The following ADAMTS2 variants were observed in gnomAD, a reference collection of about 807,000 sequenced individuals.
ADAMTS2 encodes ADAM metallopeptidase with thrombospondin type 1 motif 2, also known as A disintegrin and metalloproteinase with thrombospondin motifs 2.
Under a neutral mutation model 123.0 loss-of-function variants are expected in ADAMTS2, and 50 were observed. That is an observed-to-expected ratio of 0.41 (90% confidence interval 0.32 to 0.51). The LOEUF is 0.51. ADAMTS2 is among the 20% of genes least tolerant of loss of function. The pLI is 0.35. For synonymous variants in ADAMTS2, 678 were observed against 695.4 expected, an observed-to-expected ratio of 0.98 and a Z score of 0.39; for missense variants, 1,494 against 1,705.2, an observed-to-expected ratio of 0.88 and a Z score of 2.18.
chr5:179,343,662 G>C, intron 2 of ADAMTS2, 105 bp downstream of exon 2: 1 of 1,450,690 alleles, frequency 6.9e-7, no homozygotes, highest in Non-Finnish European at 9.3e-7. Flanking sequence ...GGCGCGGAAA[G>C]TCCTCAGCGC....
chr5:179,183,708 C>T (rs77778836), intron 4 of ADAMTS2, among the ~76,000 whole-genome samples: 1 of 152,160 alleles, frequency 6.6e-6, no homozygotes. Context: ...CAGGGCAAGC[C>T]CAGGGGGGCA....
intron 3 of ADAMTS2, among the ~76,000 whole-genome samples, chr5:179,210,717 GCAATGCC>G: frequency 6.6e-6 from 1 of 152,232 alleles, no homozygotes; most frequent in East Asian, 1.9e-4. Flanking sequence ...AGGGGGATCT[GCAATGCC>G]CTCAGACCTG....
chr5:179,342,208 T>C (rs1757794888), intron 2 of ADAMTS2, among the ~76,000 whole-genome samples: 2 of 152,218 alleles, frequency 1.3e-5, no homozygotes, highest in African/African-American at 4.8e-5. Context: ...CCATCAGGAA[T>C]GCATAGTACA....
intron 2 of ADAMTS2, among the ~76,000 whole-genome samples, chr5:179,318,058 C>T (rs1245422998): frequency 6.6e-6 from 1 of 152,170 alleles, no homozygotes; most frequent in Non-Finnish European, 1.5e-5. Context: ...TCACCCTGGC[C>T]ACGTCTCTAC....
intron 11 of ADAMTS2, 85 bp downstream of exon 11, chr5:179,139,805 C>A: frequency 6.3e-7 from 1 of 1,578,048 alleles, no homozygotes; most frequent in Non-Finnish European, 8.6e-7. Context: ...GCCACAGGGC[C>A]CTCCAGGACA....
At chr5:179,251,599 C>T (rs1765927538) in intron 3 of ADAMTS2, among the ~76,000 whole-genome samples, 1 of 152,104 alleles carries the variant, frequency 6.6e-6, no homozygotes, top group Non-Finnish European at 1.5e-5. Flanking sequence ...AGGGACACTA[C>T]GTGCAGGACA....
At chr5:179,289,584 G>A (rs1323197951) in intron 2 of ADAMTS2, among the ~76,000 whole-genome samples, 10 of 152,188 alleles carry the variant, frequency 6.6e-5, no homozygotes, top group African/African-American at 1.9e-4. Context: ...TTTAATCATC[G>A]CAATGGGAAA....
chr5:179,137,146 G>C (rs1561773265), intron 12 of ADAMTS2, among the ~76,000 whole-genome samples: 1 of 152,168 alleles, frequency 6.6e-6, no homozygotes. Context: ...CCCATCTGCT[G>C]TGTCACCTCC....
intron 3 of ADAMTS2, among the ~76,000 whole-genome samples, chr5:179,233,008 C>T (rs1022660032): frequency 4.6e-5 from 7 of 152,240 alleles, no homozygotes; most frequent in African/African-American, 7.2e-5. Context: ...TGTCGGGAGG[C>T]GGGAAGGCGT....
rs528859342 is a variant in ADAMTS2, at chr5:179,202,269, G to A, written c.891+5244C>T. 2.2e-3 allele frequency among the ~76,000 whole-genome samples: 336 copies of A among 152,128 alleles called. 1 individual carries two copies. Among genetic ancestry groups the A allele is most frequent in the South Asian group, 2.5e-3 (12 of 4,820 alleles). ...TCCAGCCGGCCCCATTCCTGCCTCA[G>A]GGCCTTGGCGCCGCCTGCCCCCTCC... is the stretch of plus-strand genomic sequence containing the variant. On this transcript the variant is annotated intron_variant, in intron 4 of 21. Transcript: ENST00000251582. The surrounding 1 kb of genome is among the most constrained non-coding windows in gnomAD (Gnocchi z 4.0).
chr5:179,141,046 CT>C (rs1239345917), intron 10 of ADAMTS2, among the ~76,000 whole-genome samples: 1 of 151,856 alleles, frequency 6.6e-6, no homozygotes, highest in Non-Finnish European at 1.5e-5. Context: ...AACTCCTGAC[CT>C]CAGGTGATCC....
At chr5:179,200,114 G>A (rs1327623683) in intron 4 of ADAMTS2, among the ~76,000 whole-genome samples, 2 of 152,114 alleles carry the variant, frequency 1.3e-5, no homozygotes, top group Admixed American at 1.3e-4. Context: ...CTGCCTTTAG[G>A]CCAGTGTTCC....
At chr5:179,321,023 A>G (rs1757156425) in intron 2 of ADAMTS2, among the ~76,000 whole-genome samples, 2 of 152,212 alleles carry the variant, frequency 1.3e-5, no homozygotes, top group Admixed American at 6.5e-5. Context: ...GCCACACCTG[A>G]AGCTAGATAG....
Position 179,127,961 on chromosome 5 carries a change from C to A in ADAMTS2, c.2615G>T (p.Gly872Val), listed in dbSNP as rs1338541722. Residue 872 changes from glycine to valine, a missense_variant and splice_region_variant, in exon 17 of 22, where the codon GGA (glycine) becomes GTA (valine). Physicochemically the swap from Gly to Val is moderately radical, Grantham distance 109 (BLOSUM62 -3). Coordinates refer to ENST00000251582, the MANE Select transcript of ADAMTS2 (RefSeq NM_014244.5). ...KWSPCSKPCGGGSQFTKYGCR... is the reference protein window; with the variant it reads ...KWSPCSKPCGVGSQFTKYGCR... ...CCCCAGCTTCGAGACCCCCTCACCT[C>A]CGCCACAGGGCTTGGAGCACGGAGA... is the stretch of plus-strand genomic sequence containing the variant. 3 of 1,613,790 alleles carry A rather than the reference C, an allele frequency of 1.9e-6. No homozygotes were observed. Among genetic ancestry groups the A allele is most frequent in the Non-Finnish European group, 2.5e-6 (3 of 1,180,040 alleles).
chr5:179,163,736 T>C (rs1763643672), intron 5 of ADAMTS2, among the ~76,000 whole-genome samples: 3 of 152,200 alleles, frequency 2.0e-5, no homozygotes, highest in Non-Finnish European at 4.4e-5. Context: ...AGACAATTTA[T>C]TGAAATATTG....
At chr5:179,265,778 G>A (rs758871013) in intron 3 of ADAMTS2, among the ~76,000 whole-genome samples, 1 of 152,234 alleles carries the variant, frequency 6.6e-6, no homozygotes, top group Non-Finnish European at 1.5e-5. Flanking sequence ...CACGAGGACA[G>A]GAGCGCCGCG....
At chr5:179,138,153 A>G (rs1278738478) in intron 11 of ADAMTS2, among the ~76,000 whole-genome samples, 1 of 152,158 alleles carries the variant, frequency 6.6e-6, no homozygotes, top group African/African-American at 2.4e-5. Flanking sequence ...GAAGCTCTTG[A>G]AAGGACAGGA....
Position 179,129,818 on chromosome 5 carries a change from G to C in ADAMTS2, c.2457+114C>G. 1 of 1,421,258 alleles carries C rather than the reference G, an allele frequency of 7.0e-7. No homozygotes were observed. Among genetic ancestry groups the C allele is most frequent in the South Asian group, 1.2e-5 (1 of 80,602 alleles). 88.0% of individuals were successfully genotyped at this position (1,421,258 alleles called of 1,614,324 possible). On this transcript the variant is annotated intron_variant, in intron 16 of 21. Transcript: ENST00000251582. This position sits in a 1 kb window ranked among gnomAD's most constrained non-coding sequence, Gnocchi z 4.1. ...CCTTGGTGCCAAAGGCAGGCCAAAG[G>C]GGCCACGCAGAGTGTCACCTGAAGG...
rs1216077373 is a variant in ADAMTS2, at chr5:179,197,688, CTGAG to C, written c.891+9821_891+9824del. 1.3e-5 allele frequency among the ~76,000 whole-genome samples: 2 copies of C among 152,152 alleles called. No homozygotes were observed. The highest frequency in any genetic ancestry group is 2.9e-5 in the Non-Finnish European group (2 of 68,036). ...CAGCACTACGCTCCAGCCTGGGTGA[CTGAG>C]TGAGACCCTGTCTCAAAAAAGAAAA... is the stretch of plus-strand genomic sequence containing the variant. On this transcript the variant is annotated intron_variant, in intron 4 of 21. Coordinates refer to ENST00000251582, the MANE Select transcript of ADAMTS2 (RefSeq NM_014244.5). This position sits in a 1 kb window ranked among gnomAD's most constrained non-coding sequence, Gnocchi z 4.2.
Sources: gnomAD v4.1 joint callset for allele counts (sites outside exome capture counted in the v4.1 genomes callset) on GRCh38, gnomAD v4.1.1 for gene constraint, Gnocchi (gnomAD v3.1) non-coding constraint, MANE v1.5 for transcripts, NCBI Gene and HGNC (gene_info 2026-07-23, HGNC 2026-07-21) for gene names.